The following PSD3 variants were observed in gnomAD, a reference collection of about 807,000 sequenced individuals.
PSD3 encodes the protein PH and SEC7 domain-containing protein 3.
PSD3 carries 49 observed loss-of-function variants against 105.5 expected under a neutral mutation model. The ratio of observed to expected loss-of-function variants is 0.46; its 90% CI spans 0.37 to 0.59. The LOEUF is 0.59. Ranked by LOEUF, PSD3 falls within the 20% of genes least tolerant of loss-of-function variation. The pLI, the probability that PSD3 is intolerant of heterozygous loss-of-function variation, is 0.00. For synonymous variants in PSD3, 557 were observed against 457.8 expected (o/e 1.22, Z -2.77); for missense variants, 1,561 against 1,263.8 (o/e 1.24, Z -3.57).
intron 9 of PSD3, among the ~76,000 whole-genome samples, chr8:18,671,053 G>A (rs1213699611): frequency 4.6e-5 from 7 of 152,184 alleles, no homozygotes; most frequent in East Asian, 1.9e-4. Context: ...TAACCACAGC[G>A]AGGGTTTCAT....
upstream of PSD3, among the ~76,000 whole-genome samples, chr8:19,016,548 A>C (rs1827184898): frequency 6.6e-6 from 1 of 152,240 alleles, no homozygotes; most frequent in African/African-American, 2.4e-5. Context: ...CAAATCCCAC[A>C]AACATTACCA....
intron 1 of PSD3, among the ~76,000 whole-genome samples, chr8:18,973,472 T>C (rs745927209): frequency 5.9e-5 from 9 of 152,198 alleles, no homozygotes; most frequent in Non-Finnish European, 1.3e-4. Context: ...TGGTCTTTCC[T>C]GTGTGTATAC....
intron 2 of PSD3, among the ~76,000 whole-genome samples, chr8:18,905,197 T>G (rs1244840346): frequency 6.6e-6 from 1 of 152,202 alleles, no homozygotes; most frequent in Non-Finnish European, 1.5e-5. Flanking sequence ...CTAAGTTACA[T>G]GATCACCTCT....
intron 4 of PSD3, among the ~76,000 whole-genome samples, chr8:18,844,908 C>T (rs190639070): frequency 3.1e-3 from 468 of 152,266 alleles, no homozygotes; most frequent in African/African-American, 0.011. Context: ...GTGTTTCATA[C>T]AAAGCTGGTT....
intron 9 of PSD3, among the ~76,000 whole-genome samples, chr8:18,752,600 T>A (rs1805669452): frequency 1.2e-5 from 1 of 82,852 alleles, no homozygotes; most frequent in African/African-American, 6.4e-5. Flanking sequence ...ATATTATATA[T>A]TATATATAAT....
intron 4 of PSD3, among the ~76,000 whole-genome samples, chr8:18,851,845 C>T (rs1586223979): frequency 6.6e-6 from 1 of 152,190 alleles, no homozygotes; most frequent in South Asian, 2.1e-4. Flanking sequence ...AGTGGAGATT[C>T]CTTCTGGAGA....
intron 15 of PSD3, among the ~76,000 whole-genome samples, chr8:18,536,398 T>C (rs1282670487): frequency 6.6e-6 from 1 of 152,158 alleles, no homozygotes; most frequent in Non-Finnish European, 1.5e-5. Flanking sequence ...TATGGTTGTT[T>C]ACTCTTTTTC....
chr8:18,821,684 A>AACACACACACACACACACACACACACAC (rs10527060), intron 4 of PSD3, among the ~76,000 whole-genome samples: 11 of 131,322 alleles, frequency 8.4e-5, no homozygotes, highest in East Asian at 2.3e-4. Flanking sequence ...TGACCCCCAC[A>AACACACACACACACACACACACACACAC]ACACACACAC....
At chr8:18,972,054 C>G (rs750415304) in intron 1 of PSD3, among the ~76,000 whole-genome samples, 3 of 151,980 alleles carry the variant, frequency 2.0e-5, no homozygotes, top group Non-Finnish European at 2.9e-5. Context: ...AGATTTAATG[C>G]CTATCATCCT....
intron 4 of PSD3, among the ~76,000 whole-genome samples, chr8:18,860,397 T>C (rs1452638073): frequency 2.0e-5 from 3 of 151,922 alleles, no homozygotes; most frequent in Non-Finnish European, 2.9e-5. Context: ...GCACCTGTTA[T>C]TGGAAACATG....
At chr8:18,578,854 C>A (rs759297404) in intron 12 of PSD3, among the ~76,000 whole-genome samples, 7 of 151,910 alleles carry the variant, frequency 4.6e-5, no homozygotes, top group Non-Finnish European at 1.0e-4. Context: ...AGGTAGTTTC[C>A]TAAACTCTAA....
At position 18,804,612 on chromosome 8, in the gene PSD3, A is replaced by G. The variant is rs747442373; in HGVS notation, c.1830-10T>C. 3 of 1,612,164 alleles carry G rather than the reference A, an allele frequency of 1.9e-6. No individual in the cohort carries two copies. The highest frequency in any genetic ancestry group is 2.2e-5 in the East Asian group (1 of 44,872). ...TTTGCTAAATTCGTTGCTATAAGAA[A>G]ACAGAATAGACTTGGTTATTGAAAG... On this transcript the variant is annotated splice_polypyrimidine_tract_variant and intron_variant, in intron 5 of 15. Transcript: ENST00000327040.
chr8:18,791,496 T>C (rs1169235821), intron 8 of PSD3, among the ~76,000 whole-genome samples: 4 of 152,186 alleles, frequency 2.6e-5, no homozygotes, highest in African/African-American at 9.6e-5. Context: ...CCTTATTTAA[T>C]ACATGGTGCT....
intron 2 of PSD3, among the ~76,000 whole-genome samples, chr8:18,911,764 A>G (rs141613198): frequency 0.046 from 7,008 of 152,218 alleles, 198 homozygotes; most frequent in Admixed American, 0.081. Flanking sequence ...AAATGTACAC[A>G]TACACCTACA....
intron 4 of PSD3, among the ~76,000 whole-genome samples, chr8:18,852,489 G>A (rs1815667682): frequency 6.6e-6 from 1 of 152,252 alleles, no homozygotes; most frequent in South Asian, 2.1e-4. Context: ...GCTGCCTATG[G>A]GGTACATGTG....
At chr8:19,082,759 C>T (rs1354679568) in intron 1 of PSD3, among the ~76,000 whole-genome samples, 1 of 152,222 alleles carries the variant, frequency 6.6e-6, no homozygotes, top group African/African-American at 2.4e-5. Flanking sequence ...CAAACAATAA[C>T]TGTGTGACCC....
At chr8:18,614,313 C>A (rs1335125132) in intron 11 of PSD3, among the ~76,000 whole-genome samples, 1 of 151,766 alleles carries the variant, frequency 6.6e-6, no homozygotes, top group Non-Finnish European at 1.5e-5. Context: ...GCTGCAACCA[C>A]AGAGCAGATT....
chr8:18,823,021 A>T (rs1812871775), intron 4 of PSD3, among the ~76,000 whole-genome samples: 1 of 151,942 alleles, frequency 6.6e-6, no homozygotes, highest in South Asian at 2.1e-4. Context: ...ATTCTTTAAT[A>T]TTATTTCTAA....
At chr8:18,773,826 A>T (rs140308766) in intron 8 of PSD3, among the ~76,000 whole-genome samples, 5 of 152,330 alleles carry the variant, frequency 3.3e-5, no homozygotes, top group Non-Finnish European at 5.9e-5. Context: ...ATTCTGTGGA[A>T]TCTGAAGATC....
Sources: allele counts gnomAD v4.1 joint callset (sites outside exome capture counted in the v4.1 genomes callset), GRCh38; gene constraint gnomAD v4.1.1; transcripts MANE v1.5; gene names NCBI Gene and HGNC (gene_info 2026-07-23, HGNC 2026-07-21).